Variants in IKZF1 observed in about 807,000 individuals in gnomAD.
The protein encoded by IKZF1 is DNA-binding protein Ikaros.
In IKZF1, 10 loss-of-function variants were observed where a neutral mutation model predicts 51.7. That is an observed-to-expected ratio of 0.19 (90% confidence interval 0.12 to 0.33). The LOEUF (loss-of-function observed/expected upper bound fraction) is 0.33, where lower values mean the gene tolerates loss of function less well. Ranked by LOEUF, IKZF1 falls within the 10% of genes least tolerant of loss-of-function variation. IKZF1 has a pLI of 1.00. For synonymous variants in IKZF1, 280 were observed against 282.3 expected, an observed-to-expected ratio of 0.99 and a Z score of 0.08; for missense variants, 484 against 707.5, an observed-to-expected ratio of 0.68 and a Z score of 3.58.
intron 6 of IKZF1, among the ~76,000 whole-genome samples, chr7:50,387,776 A>G (rs78101437): frequency 0.072 from 10,904 of 152,278 alleles, 527 homozygotes; most frequent in South Asian, 0.093. Flanking sequence ...GATGTTGGTG[A>G]TTTTAAAACA....
At chr7:50,337,535 G>A (rs951153434) in intron 3 of IKZF1, among the ~76,000 whole-genome samples, 22 of 152,292 alleles carry the variant, frequency 1.4e-4, no homozygotes, top group Non-Finnish European at 2.5e-4. Flanking sequence ...GTCACCACTC[G>A]TAGATGAAGG....
intron 3 of IKZF1, among the ~76,000 whole-genome samples, chr7:50,340,474 T>C (rs1414428655): frequency 6.6e-6 from 1 of 152,250 alleles, no homozygotes; most frequent in African/African-American, 2.4e-5. Context: ...GGCCCCCTGC[T>C]GCATGGCAGA....
Position 50,402,483 on chromosome 7 carries a change from G to A in IKZF1, c.*1856G>A. On this transcript the variant is annotated 3_prime_UTR_variant, in exon 8 of 8. Transcript: ENST00000331340. Reference sequence around the variant, plus strand: ...GACATCACCAACTGTCCCCTGCGAGGAGAAATCACTCCTGGGGGAGAACCA... The same window carrying A: ...GACATCACCAACTGTCCCCTGCGAGAAGAAATCACTCCTGGGGGAGAACCA... 1 of 231,544 alleles carries A rather than the reference G, an allele frequency of 4.3e-6. No individual in the cohort carries two copies. Among genetic ancestry groups the A allele is most frequent in the South Asian group, 1.8e-4 (1 of 5,492 alleles). 14.3% of individuals were successfully genotyped at this position (231,544 alleles called of 1,614,324 possible).
At chr7:50,389,465 CCA>C (rs1341067059) in intron 6 of IKZF1, among the ~76,000 whole-genome samples, 2 of 152,188 alleles carry the variant, frequency 1.3e-5, no homozygotes, top group African/African-American at 4.8e-5. Context: ...ACTTGGACTA[CCA>C]CAGTGATGCC....
In IKZF1 at chr7:50,401,702, G is replaced by C. The variant is rs143776190; in HGVS notation, c.*1075G>C. 308 of 218,344 alleles carry C rather than the reference G, an allele frequency of 1.4e-3. 2 individuals are homozygous for C. The highest frequency in any genetic ancestry group is 6.5e-3 in the African/African-American group (288 of 44,486). 13.5% of individuals were successfully genotyped at this position (218,344 alleles called of 1,614,324 possible). A position where few individuals can be genotyped will look rare whatever the true frequency, so the allele number is the denominator to read the frequency against. ...CCACAAGCCTGAATTTCTCAGTGTT[G>C]GTAAGTTTCTTTACCTACCCTCACT... On this transcript the variant is annotated 3_prime_UTR_variant, in exon 8 of 8. Transcript: ENST00000331340.
Position 50,403,258 on chromosome 7 carries a change from GCCATATCA to G in IKZF1, c.*2632_*2639del. The G allele has an allele frequency of 4.5e-6, 1 of 221,188 alleles. No homozygotes were observed. 13.7% of individuals were successfully genotyped at this position (221,188 alleles called of 1,614,324 possible). On this transcript the variant is annotated 3_prime_UTR_variant, in exon 8 of 8. Coordinates refer to ENST00000331340, the MANE Select transcript of IKZF1 (RefSeq NM_006060.6). The stretch of plus-strand genomic sequence containing the variant: ...GTAATTAACTTATGTTTAAAAGGTG[GCCATATCA>G]TGTACCAAAAGTTGCTGAAGTTTCT...
intron 3 of IKZF1, among the ~76,000 whole-genome samples, chr7:50,338,350 G>C (rs1798271251): frequency 6.6e-6 from 1 of 152,212 alleles, no homozygotes; most frequent in South Asian, 2.1e-4. Context: ...AGTGCTGTCA[G>C]AGTAGATAGA....
At chr7:50,309,704 T>C (rs188363799) in intron 1 of IKZF1, among the ~76,000 whole-genome samples, 1 of 152,356 alleles carries the variant, frequency 6.6e-6, no homozygotes, top group East Asian at 1.9e-4. Context: ...AGTTCCACTA[T>C]GAATATTGAT....
At chr7:50,332,683 G>A (rs1796679537) in intron 3 of IKZF1, among the ~76,000 whole-genome samples, 2 of 152,234 alleles carry the variant, frequency 1.3e-5, no homozygotes, top group Admixed American at 6.5e-5. Flanking sequence ...GGTTGAATCC[G>A]TGGAAGGCCA....
intron 2 of IKZF1, among the ~76,000 whole-genome samples, chr7:50,325,449 C>G (rs1436809529): frequency 6.6e-6 from 1 of 152,040 alleles, no homozygotes; most frequent in Non-Finnish European, 1.5e-5. Context: ...GGTGAAAACG[C>G]TAAGATATTT....
intron 1 of IKZF1, among the ~76,000 whole-genome samples, chr7:50,306,500 C>A (rs1335339425): frequency 6.6e-6 from 1 of 152,038 alleles, no homozygotes; most frequent in African/African-American, 2.4e-5. Context: ...AACTACACAC[C>A]CCCCTAATGC....
chr7:50,385,567 T>C (rs1813143357), intron 5 of IKZF1, among the ~76,000 whole-genome samples: 1 of 152,244 alleles, frequency 6.6e-6, no homozygotes, highest in Non-Finnish European at 1.5e-5. Context: ...TCCCAAAGAA[T>C]ATTGGACTAT....
chr7:50,322,603 C>T (rs926577861), intron 2 of IKZF1, among the ~76,000 whole-genome samples: 4 of 152,168 alleles, frequency 2.6e-5, no homozygotes, highest in Non-Finnish European at 5.9e-5. Flanking sequence ...CTTTAGGGCA[C>T]GTCTCACTAA....
chr7:50,323,252 A>G (rs576688794), intron 2 of IKZF1, among the ~76,000 whole-genome samples: 1 of 152,324 alleles, frequency 6.6e-6, no homozygotes, highest in African/African-American at 2.4e-5. Context: ...TAAGCAACTG[A>G]CCGGAAGTCC....
intron 1 of IKZF1, chr7:50,318,267 AG>A (rs1792113324): frequency 4.3e-6 from 1 of 231,186 alleles, no homozygotes; most frequent in East Asian, 6.1e-5. Context: ...TGGTCATCGA[AG>A]GGCAGCATCT....
At chr7:50,353,834 C>T (rs914255481) in intron 3 of IKZF1, among the ~76,000 whole-genome samples, 1 of 152,158 alleles carries the variant, frequency 6.6e-6, no homozygotes, top group Non-Finnish European at 1.5e-5. Flanking sequence ...TTCTGAGGGC[C>T]CTGTGCCTGT....
chr7:50,391,703 A>C (rs1584983146), intron 6 of IKZF1, 26 bp from the exon 7 acceptor site: 1 of 1,612,986 alleles, frequency 6.2e-7, no homozygotes, highest in Non-Finnish European at 8.5e-7. Context: ...GCCTTTCTAA[A>C]CTGGCCTCTC....
chr7:50,391,996 C>A, intron 7 of IKZF1, 133 bp downstream of exon 7: 1 of 1,272,514 alleles, frequency 7.9e-7, no homozygotes, highest in Non-Finnish European at 1.1e-6. Context: ...GTAAGCTTAA[C>A]ATTCCTTAAA....
intron 3 of IKZF1, among the ~76,000 whole-genome samples, chr7:50,339,748 AAAAAAAAAAAAG>A (rs1328975887): frequency 1.4e-5 from 2 of 148,128 alleles, no homozygotes; most frequent in African/African-American, 4.9e-5. Flanking sequence ...CTCCTTCTCA[AAAAAAAAAAAAG>A]AAAGAAAGAA....
Sources: gnomAD v4.1 joint callset for allele counts (sites outside exome capture counted in the v4.1 genomes callset) on GRCh38, gnomAD v4.1.1 for gene constraint, MANE v1.5 for transcripts, NCBI Gene and HGNC (gene_info 2026-07-23, HGNC 2026-07-21) for gene names.